SMYD3: variants seen among roughly 807,000 people sequenced by gnomAD.
SMYD3 encodes histone-lysine N-methyltransferase SMYD3.
In SMYD3, 36 loss-of-function variants were observed where a neutral mutation model predicts 57.7. The observed-to-expected ratio is 0.62, with a 90% CI of 0.48 to 0.82. The LOEUF (loss-of-function observed/expected upper bound fraction) is 0.82, where lower values mean the gene tolerates loss of function less well. Among genes scored for constraint, SMYD3 ranks in the 40% least tolerant of loss-of-function variants. The pLI is 0.00. For synonymous variants in SMYD3, 211 were observed against 195.0 expected, an observed-to-expected ratio of 1.08 and a Z score of -0.68; for missense variants, 515 against 538.8, an observed-to-expected ratio of 0.96 and a Z score of 0.44.
At chr1:246,378,757 T>TATATATTATATATAATTATATATAATATA (rs2066328688) in intron 1 of SMYD3, among the ~76,000 whole-genome samples, 1 of 38,188 alleles carries the variant, frequency 2.6e-5, no homozygotes, top group African/African-American at 1.1e-4. Context: ...TATAATATAT[T>TATATATTATATATAATTATATATAATATA]TAATATATTA....
In SMYD3 at chr1:246,497,347, C is replaced by G. The variant is rs144537690; in HGVS notation, c.164+9707G>C. Among the ~76,000 whole-genome samples the G allele has an allele frequency of 2.1e-3, 323 of 152,150 alleles. 3 individuals are homozygous for G. The highest frequency in any genetic ancestry group is 7.5e-3 in the African/African-American group (311 of 41,510). ...TTGTTTGCCCTTTTTTGGTCTAATT[C>G]AAAATAAGAGTTAATGGCAAATGTC... On this transcript the variant is annotated intron_variant, in intron 1 of 11. Transcript: ENST00000490107.
intron 1 of SMYD3, among the ~76,000 whole-genome samples, chr1:246,480,024 A>C (rs888867610): frequency 6.6e-6 from 1 of 152,224 alleles, no homozygotes; most frequent in Non-Finnish European, 1.5e-5. Flanking sequence ...GTTTGGATTC[A>C]GCCTGTGTAT....
intron 10 of SMYD3, among the ~76,000 whole-genome samples, chr1:245,847,874 A>C (rs764583824): frequency 1.1e-4 from 16 of 152,240 alleles, no homozygotes; most frequent in Non-Finnish European, 2.4e-4. Flanking sequence ...CAACATAGGA[A>C]GCCTAAACAC....
intron 5 of SMYD3, among the ~76,000 whole-genome samples, chr1:246,241,646 T>G (rs1453500811): frequency 3.3e-5 from 5 of 152,218 alleles, no homozygotes; most frequent in Admixed American, 1.3e-4. Context: ...TTCTATTGAT[T>G]GGAATAGTTT....
intron 5 of SMYD3, among the ~76,000 whole-genome samples, chr1:246,231,336 G>C (rs2063405948): frequency 6.6e-6 from 1 of 151,970 alleles, no homozygotes; most frequent in East Asian, 1.9e-4. Context: ...GTAGTCACTG[G>C]GCAGTAGATA....
At position 246,143,856 on chromosome 1, in the gene SMYD3, T is replaced by C. The variant is rs557112767; in HGVS notation, c.531+183345A>G. 1.6e-4 allele frequency among the ~76,000 whole-genome samples: 24 copies of C among 152,250 alleles called. No individual in the cohort carries two copies. The South Asian group carries it at 4.4e-3, about 28-fold the overall frequency. On this transcript the variant is annotated intron_variant, in intron 5 of 11. Transcript: ENST00000490107. ...TAGAAGAATGCTCCACTACATCACC[T>C]CACAGAAGGGCACAGGATCAAGATA...
chr1:245,797,483 G>A (rs7525952), intron 10 of SMYD3, among the ~76,000 whole-genome samples: 51,550 of 144,926 alleles, frequency 0.36, 11,143 homozygotes, highest in Non-Finnish European at 0.5. Context: ...CAATGAGAAC[G>A]CTTGGACACA....
chr1:246,404,331 A>G lies in SMYD3; in HGVS notation c.165-49237T>C, dbSNP rs146610618. ...TCCTCCAGCCTGAAAACTGAAACAT[A>G]TGCCGCAATAATTAGAGCTTCCTTG... On this transcript the variant is annotated intron_variant, in intron 1 of 11. Transcript: ENST00000490107. 8.5e-5 allele frequency among the ~76,000 whole-genome samples: 13 copies of G among 152,332 alleles called. No individual in the cohort carries two copies. In the East Asian group the frequency reaches 2.1e-3, roughly 25 times the overall value.
chr1:246,024,189 T>C lies in SMYD3; in HGVS notation c.532-94252A>G, dbSNP rs74842242. 1.0e-3 allele frequency among the ~76,000 whole-genome samples: 159 copies of C among 152,342 alleles called. 1 individual carries two copies. Among genetic ancestry groups the C allele is most frequent in the African/African-American group, 3.7e-3 (154 of 41,574 alleles). On this transcript the variant is annotated intron_variant, in intron 5 of 11. Transcript: ENST00000490107. ...TATGGAAGCGAGAAAACAAGAAATATTCCAGGATACAGTCACAGATGTACT... is the reference window on the plus strand; with the variant it reads ...TATGGAAGCGAGAAAACAAGAAATACTCCAGGATACAGTCACAGATGTACT...
At chr1:246,008,827 C>T (rs2059225163) in intron 5 of SMYD3, among the ~76,000 whole-genome samples, 1 of 152,132 alleles carries the variant, frequency 6.6e-6, no homozygotes, top group African/African-American at 2.4e-5. Flanking sequence ...GACACTAAAC[C>T]ACAGGATTAA....
chr1:246,482,094 C>A (rs1235297121), intron 1 of SMYD3, among the ~76,000 whole-genome samples: 2 of 151,996 alleles, frequency 1.3e-5, no homozygotes, highest in Admixed American at 6.6e-5. Context: ...GGAGGTCAAG[C>A]CTGCAGTGAG....
At chr1:245,855,164 C>T (rs1479298771) in intron 10 of SMYD3, among the ~76,000 whole-genome samples, 1 of 152,188 alleles carries the variant, frequency 6.6e-6, no homozygotes. Context: ...ACAGAACGGG[C>T]GAATGTCCTG....
intron 5 of SMYD3, among the ~76,000 whole-genome samples, chr1:246,130,905 C>T (rs542491757): frequency 3.3e-5 from 5 of 152,204 alleles, no homozygotes; most frequent in South Asian, 4.2e-4. Flanking sequence ...TAGAGAATAA[C>T]GTCCAAACTT....
intron 5 of SMYD3, among the ~76,000 whole-genome samples, chr1:246,213,767 T>C (rs1177140092): frequency 6.6e-6 from 1 of 152,198 alleles, no homozygotes; most frequent in Non-Finnish European, 1.5e-5. Context: ...GTAATGGCCA[T>C]CGGCCATTGA....
At chr1:246,119,443 C>T (rs1437481077) in intron 5 of SMYD3, among the ~76,000 whole-genome samples, 1 of 143,602 alleles carries the variant, frequency 7.0e-6, no homozygotes, top group Admixed American at 7.1e-5. Context: ...GATGGAATCT[C>T]ACTTTACTGA....
At chr1:246,166,984 G>A (rs944627634) in intron 5 of SMYD3, among the ~76,000 whole-genome samples, 10 of 152,250 alleles carry the variant, frequency 6.6e-5, no homozygotes, top group Middle Eastern at 3.4e-3. Flanking sequence ...TCTGCACTCC[G>A]TCTCTATGGA....
chr1:245,876,794 T>C (rs953092980), intron 8 of SMYD3, among the ~76,000 whole-genome samples: 1 of 152,150 alleles, frequency 6.6e-6, no homozygotes, highest in Non-Finnish European at 1.5e-5. Context: ...AACAAATGTA[T>C]CATTTCTAAA....
chr1:246,334,710 C>G (rs2065513317), intron 3 of SMYD3, among the ~76,000 whole-genome samples: 2 of 152,226 alleles, frequency 1.3e-5, no homozygotes, highest in Admixed American at 6.5e-5. Flanking sequence ...CCCCCTGAAT[C>G]TAAAATAAAA....
At chr1:246,356,570 T>C (rs914056515) in intron 1 of SMYD3, among the ~76,000 whole-genome samples, 4 of 152,040 alleles carry the variant, frequency 2.6e-5, no homozygotes, top group Non-Finnish European at 5.9e-5. Context: ...AAAGGAAAAT[T>C]CTTCAGTGAA....
Sources: allele counts gnomAD v4.1 joint callset (sites outside exome capture counted in the v4.1 genomes callset), GRCh38; gene constraint gnomAD v4.1.1; transcripts MANE v1.5; gene names NCBI Gene and HGNC (gene_info 2026-07-23, HGNC 2026-07-21).